The following SLC5A11 variants were observed in gnomAD, a reference collection of about 807,000 sequenced individuals.
SLC5A11 encodes sodium/myo-inositol cotransporter 2.
In SLC5A11, 48 loss-of-function variants were observed where a neutral mutation model predicts 69.8. That is an observed-to-expected ratio of 0.69 (90% CI 0.55 to 0.87). The LOEUF is 0.87. Ranked by LOEUF, SLC5A11 falls within the 40% of genes least tolerant of loss-of-function variation. The pLI is 0.00. For missense variants in SLC5A11, 784 were observed against 866.1 expected (o/e 0.91, Z 1.19); for synonymous variants, 319 against 342.4 (o/e 0.93, Z 0.75).
intron 15 of SLC5A11, 57 bp downstream of exon 16, chr16:24,910,534 T>C (rs75737423): frequency 1.1e-5 from 7 of 660,480 alleles, no homozygotes; most frequent in Non-Finnish European, 1.3e-5. Context: ...AAGGGATTGA[T>C]TTTTTTTTTT....
intron 2 of SLC5A11, among the ~76,000 whole-genome samples, chr16:24,860,574 G>A (rs576242433): frequency 2.0e-5 from 3 of 152,262 alleles, no homozygotes; most frequent in African/African-American, 7.2e-5. Flanking sequence ...ATACTAGTTT[G>A]TGTCAAATTG....
chr16:24,847,226 C>T (rs2059059799), intron 1 of SLC5A11, among the ~76,000 whole-genome samples: 1 of 143,318 alleles, frequency 7.0e-6, no homozygotes, highest in Admixed American at 7.2e-5. Flanking sequence ...CTTTCTTTCC[C>T]TTTCTTTCTC....
chr16:24,859,858 A>C (rs2059686753), intron 2 of SLC5A11, among the ~76,000 whole-genome samples: 1 of 152,198 alleles, frequency 6.6e-6, no homozygotes. Flanking sequence ...TACTATAATA[A>C]ACAAACCCTG....
chr16:24,908,820 T>C lies in SLC5A11; in HGVS notation c.1435-61T>C, dbSNP rs878932636. 5.2e-6 allele frequency: 8 copies of C among 1,540,750 alleles called. No homozygotes were observed. The Admixed American group carries it at 1.4e-4, about 27-fold the overall frequency. ...AAGACAAGTCCTGGAGATGGCTTCT[T>C]GAGGTTCCTGGAGGCCAGAGCCCTT... On this transcript the variant is annotated intron_variant, in intron 13 of 15. Coordinates refer to ENST00000347898, the Ensembl canonical transcript of SLC5A11.
intron 7 of SLC5A11, among the ~76,000 whole-genome samples, chr16:24,879,167 C>T (rs2047883338): frequency 6.6e-6 from 1 of 151,186 alleles, no homozygotes; most frequent in Admixed American, 6.6e-5. Context: ...ATAGAATATT[C>T]AGCTAAGGCC....
At chr16:24,896,967 T>G (rs2049220183) in intron 9 of SLC5A11, among the ~76,000 whole-genome samples, 1 of 130,780 alleles carries the variant, frequency 7.6e-6, no homozygotes. Context: ...TTTTTTTTTT[T>G]TTTGAGACAG....
chr16:24,871,556 A>G (rs1408441690), intron 4 of SLC5A11, among the ~76,000 whole-genome samples: 1 of 151,996 alleles, frequency 6.6e-6, no homozygotes, highest in African/African-American at 2.4e-5. Flanking sequence ...TACAGGCGTG[A>G]CTCACCGCAC....
intron 11 of SLC5A11, 98 bp from the exon 13 acceptor site, chr16:24,906,927 C>T (rs764812782): frequency 3.4e-5 from 51 of 1,512,796 alleles, no homozygotes; most frequent in African/African-American, 1.5e-4. Context: ...TCTGCCCCGC[C>T]GTCCTCCCTG....
intron 9 of SLC5A11, among the ~76,000 whole-genome samples, chr16:24,897,560 G>T (rs781457829): frequency 5.9e-5 from 9 of 152,152 alleles, no homozygotes; most frequent in Non-Finnish European, 1.0e-4. Flanking sequence ...TGCCTTAAGA[G>T]AAAGCCTTCT....
At chr16:24,882,931 C>T (rs1369217644) in intron 7 of SLC5A11, among the ~76,000 whole-genome samples, 1 of 152,202 alleles carries the variant, frequency 6.6e-6, no homozygotes, top group Non-Finnish European at 1.5e-5. Flanking sequence ...CAGGCATGAG[C>T]CATCTTTCCC....
intron 15 of SLC5A11, among the ~76,000 whole-genome samples, chr16:24,910,833 C>T (rs1597333220): frequency 6.6e-6 from 1 of 152,076 alleles, no homozygotes; most frequent in South Asian, 2.1e-4. Flanking sequence ...TTTGGCTTAG[C>T]CCACCTACAG....
chr16:24,869,885 G>C lies in SLC5A11; in HGVS notation c.208-16G>C. On this transcript the variant is annotated splice_polypyrimidine_tract_variant and intron_variant, in intron 3 of 15. Coordinates refer to ENST00000347898, the Ensembl canonical transcript of SLC5A11. Reference sequence around the variant, plus strand: ...TGACTTTGTCTCCAAGATCTGACCCGTCCATCTCCCCACAGGTGGGTGCAT... The same window carrying C: ...TGACTTTGTCTCCAAGATCTGACCCCTCCATCTCCCCACAGGTGGGTGCAT... 1.3e-6 allele frequency: 2 copies of C among 1,596,724 alleles called. No individual in the cohort carries two copies. Among genetic ancestry groups the C allele is most frequent in the Non-Finnish European group, 1.7e-6 (2 of 1,164,268 alleles).
At chr16:24,874,488 C>T (rs1258090335) in intron 5 of SLC5A11, among the ~76,000 whole-genome samples, 1 of 152,180 alleles carries the variant, frequency 6.6e-6, no homozygotes, top group East Asian at 1.9e-4. Context: ...TCAGCGTATC[C>T]TTGGTTACAT....
intron 8 of SLC5A11, among the ~76,000 whole-genome samples, chr16:24,888,204 T>TA (rs1329963433): frequency 3.4e-4 from 52 of 152,138 alleles, no homozygotes; most frequent in South Asian, 1.2e-3. Flanking sequence ...ACCCCAAAAA[T>TA]TAAACTCATT....
At chr16:24,851,767 G>A (rs150000273) in intron 1 of SLC5A11, among the ~76,000 whole-genome samples, 1 of 152,288 alleles carries the variant, frequency 6.6e-6, no homozygotes, top group African/African-American at 2.4e-5. Flanking sequence ...ATGGGAAATT[G>A]AGCCTCAGAG....
chr16:24,877,017 G>A lies in SLC5A11; in HGVS notation c.478-241G>A, dbSNP rs573132055. 1.1e-5 allele frequency: 14 copies of A among 1,285,618 alleles called. No homozygotes were observed. The Admixed American group carries it at 4.3e-4, about 40-fold the overall frequency. 79.6% of individuals were successfully genotyped at this position (1,285,618 alleles called of 1,614,324 possible). ...TTGCAGTGTGGAAGATGGAGTGGGA[G>A]AGGACCAAAAGCAGAAGCAGGAAGA... is the stretch of plus-strand genomic sequence containing the variant. On this transcript the variant is annotated intron_variant, in intron 6 of 15. Coordinates refer to ENST00000347898, the Ensembl canonical transcript of SLC5A11.
intron 3 of SLC5A11, among the ~76,000 whole-genome samples, chr16:24,863,007 T>C (rs1243888417): frequency 7.1e-6 from 1 of 141,398 alleles, no homozygotes; most frequent in Non-Finnish European, 1.5e-5. Flanking sequence ...TATATTTATG[T>C]AATATATAGT....
intron 13 of SLC5A11, 38 bp from the exon 15 acceptor site, chr16:24,908,843 C>T: frequency 6.3e-7 from 1 of 1,599,386 alleles, no homozygotes; most frequent in East Asian, 2.2e-5. Context: ...GGCCAGAGCC[C>T]TTGGCGTCTC....
chr16:24,896,509 C>T (rs1395425507), intron 9 of SLC5A11, among the ~76,000 whole-genome samples: 1 of 151,854 alleles, frequency 6.6e-6, no homozygotes, highest in Non-Finnish European at 1.5e-5. Context: ...AAAAAAAAGG[C>T]ATTTTAAAAA....
Sources: gnomAD v4.1 joint callset for allele counts (sites outside exome capture counted in the v4.1 genomes callset) on GRCh38, gnomAD v4.1.1 for gene constraint, MANE v1.5 for transcripts, NCBI Gene and HGNC (gene_info 2026-07-23, HGNC 2026-07-21) for gene names.